The following NUDCD3 variants were observed in gnomAD, a reference collection of about 807,000 sequenced individuals.
NUDCD3 encodes nudC domain-containing protein 3.
In NUDCD3, 13 loss-of-function variants were observed where a neutral mutation model predicts 39.7. That is an observed-to-expected ratio of 0.33 (90% CI 0.21 to 0.52). The LOEUF is 0.52. Among genes scored for constraint, NUDCD3 ranks in the 20% least tolerant of loss-of-function variants. The pLI, the probability that NUDCD3 is intolerant of heterozygous loss-of-function variation, is 0.96. For missense variants in NUDCD3, 453 were observed against 458.1 expected (o/e 0.99, Z 0.10); for synonymous variants, 175 against 172.4 (o/e 1.02, Z -0.12).
At chr7:44,465,075 A>G (rs1247667980) in intron 2 of NUDCD3, among the ~76,000 whole-genome samples, 2 of 152,212 alleles carry the variant, frequency 1.3e-5, no homozygotes, top group Non-Finnish European at 2.9e-5. Context: ...TCAAACACCT[A>G]TGCTTTGCTC....
At chr7:44,401,702 C>T (rs1489865184) in intron 4 of NUDCD3, among the ~76,000 whole-genome samples, 1 of 152,110 alleles carries the variant, frequency 6.6e-6, no homozygotes, top group Non-Finnish European at 1.5e-5. Context: ...TGACAGGTGC[C>T]CCTCAGTCTG....
At chr7:44,410,023 A>ATTGT (rs1798893273) in intron 3 of NUDCD3, among the ~76,000 whole-genome samples, 3 of 152,192 alleles carry the variant, frequency 2.0e-5, no homozygotes, top group Admixed American at 6.5e-5. Flanking sequence ...GTGAAGAAAA[A>ATTGT]TAAACAGAGT....
chr7:44,405,144 G>C (rs1798795044), intron 3 of NUDCD3, among the ~76,000 whole-genome samples: 1 of 152,136 alleles, frequency 6.6e-6, no homozygotes, highest in African/African-American at 2.4e-5. Context: ...AACTCCTTTG[G>C]TTTTGGAAGG....
At chr7:44,402,936 G>A (rs1178723884) in intron 4 of NUDCD3, 7 of 244,914 alleles carry the variant, frequency 2.9e-5, no homozygotes, top group Non-Finnish European at 5.0e-5. Context: ...GGGAGAGGCC[G>A]TAATGGCATC....
At chr7:44,410,678 C>G (rs1051711173) in intron 3 of NUDCD3, among the ~76,000 whole-genome samples, 1 of 138,894 alleles carries the variant, frequency 7.2e-6, no homozygotes, top group Non-Finnish European at 1.6e-5. Context: ...AAAAAAAAGT[C>G]TAGTAACAGG....
chr7:44,389,989 A>G (rs957493347), intron 5 of NUDCD3, among the ~76,000 whole-genome samples: 2 of 152,194 alleles, frequency 1.3e-5, no homozygotes, highest in Non-Finnish European at 2.9e-5. Context: ...TCTGTAAGAG[A>G]TACAATCACA....
At chr7:44,405,194 G>A (rs113965237) in intron 3 of NUDCD3, among the ~76,000 whole-genome samples, 2 of 152,158 alleles carry the variant, frequency 1.3e-5, no homozygotes, top group Non-Finnish European at 2.9e-5. Context: ...CTCGCACATG[G>A]TTTTGCATTT....
chr7:44,429,689 A>T lies in NUDCD3; in HGVS notation c.510-1986T>A, dbSNP rs142353783. On this transcript the variant is annotated intron_variant, in intron 2 of 5. Transcript: ENST00000355451. ...GCACTGAATATTGGCAGGACTAGGC[A>T]CTAACCAATCGGAAGAGATGTTAGC... 5.8e-3 allele frequency among the ~76,000 whole-genome samples: 887 copies of T among 152,322 alleles called. 9 individuals carry two copies. Among genetic ancestry groups the T allele is most frequent in the African/African-American group, 0.02 (835 of 41,574 alleles).
intron 2 of NUDCD3, among the ~76,000 whole-genome samples, chr7:44,452,074 A>T (rs560354689): frequency 1.4e-4 from 21 of 152,292 alleles, no homozygotes; most frequent in Non-Finnish European, 1.5e-5. Flanking sequence ...AAAACTAAAT[A>T]CAAACCAGAG....
chr7:44,473,066 A>C (rs1304864833), intron 2 of NUDCD3, among the ~76,000 whole-genome samples: 1 of 152,170 alleles, frequency 6.6e-6, no homozygotes, highest in East Asian at 1.9e-4. Flanking sequence ...GAAACAACTT[A>C]AGTACACACC....
chr7:44,422,882 G>A (rs532976399), intron 3 of NUDCD3, among the ~76,000 whole-genome samples: 1 of 152,320 alleles, frequency 6.6e-6, no homozygotes, highest in East Asian at 1.9e-4. Flanking sequence ...GAACGTCGAT[G>A]TGAAAATCCT....
chr7:44,388,466 C>A (rs1247414911), intron 5 of NUDCD3, among the ~76,000 whole-genome samples: 10 of 152,210 alleles, frequency 6.6e-5, no homozygotes, highest in Non-Finnish European at 1.0e-4. Context: ...CTAGGTGTTT[C>A]CTCATTTGAT....
At chr7:44,475,873 C>T (rs1800357864) in intron 2 of NUDCD3, among the ~76,000 whole-genome samples, 1 of 152,176 alleles carries the variant, frequency 6.6e-6, no homozygotes, top group Non-Finnish European at 1.5e-5. Flanking sequence ...ATATACTCAT[C>T]TGTATTTTCC....
chr7:44,485,351 A>G (rs953363567), intron 1 of NUDCD3, 67 bp from the exon 2 acceptor site: 1 of 1,341,514 alleles, frequency 7.5e-7, no homozygotes, highest in Non-Finnish European at 1.0e-6. Context: ...TCTTGTAGAA[A>G]TGTCGTAAAA....
intron 1 of NUDCD3, among the ~76,000 whole-genome samples, chr7:44,486,229 T>C (rs931807368): frequency 1.3e-5 from 2 of 151,900 alleles, no homozygotes; most frequent in Non-Finnish European, 2.9e-5. Flanking sequence ...TGGGTGGGAG[T>C]CAGATTCCAA....
At chr7:44,439,431 C>T (rs777530541) in intron 2 of NUDCD3, among the ~76,000 whole-genome samples, 1 of 152,096 alleles carries the variant, frequency 6.6e-6, no homozygotes, top group Admixed American at 6.5e-5. Flanking sequence ...GCAGGAGCCA[C>T]GTGCCCTCTG....
At chr7:44,483,053 A>G (rs1396309722) in intron 2 of NUDCD3, among the ~76,000 whole-genome samples, 1 of 152,080 alleles carries the variant, frequency 6.6e-6, no homozygotes, top group Non-Finnish European at 1.5e-5. Context: ...GACAAAGAGA[A>G]AACAGACCTC....
chr7:44,420,852 C>T (rs747292300), intron 3 of NUDCD3, among the ~76,000 whole-genome samples: 13 of 152,060 alleles, frequency 8.5e-5, no homozygotes, highest in Non-Finnish European at 1.8e-4. Context: ...GAAGGAGGCA[C>T]TAAATATGGA....
chr7:44,427,438 G>T, intron 3 of NUDCD3, 133 bp downstream of exon 3: 1 of 955,434 alleles, frequency 1.0e-6, no homozygotes, highest in South Asian at 1.6e-5. Context: ...TCATTCCGAG[G>T]GCAGGAGAAG....
Sources: gnomAD v4.1 joint callset for allele counts (sites outside exome capture counted in the v4.1 genomes callset) on GRCh38, gnomAD v4.1.1 for gene constraint, MANE v1.5 for transcripts, NCBI Gene and HGNC (gene_info 2026-07-23, HGNC 2026-07-21) for gene names.